The following MEGF9 variants were observed in gnomAD, a reference collection of about 807,000 sequenced individuals.
MEGF9 encodes multiple EGF like domains 9, also known as multiple epidermal growth factor-like domains protein 9.
MEGF9 carries 6 observed loss-of-function variants against 46.8 expected under a neutral mutation model. The observed-to-expected ratio is 0.13, with a 90% CI of 0.07 to 0.25. The LOEUF is 0.25. Among genes scored for constraint, MEGF9 ranks in the 10% least tolerant of loss-of-function variants. MEGF9 has a pLI of 1.00. For missense variants in MEGF9, 683 were observed against 792.4 expected, an observed-to-expected ratio of 0.86 and a Z score of 1.66; for synonymous variants, 302 against 330.7, an observed-to-expected ratio of 0.91 and a Z score of 0.94.
At chr9:120,656,792 A>G (rs546984578) in intron 2 of MEGF9, among the ~76,000 whole-genome samples, 11 of 151,384 alleles carry the variant, frequency 7.3e-5, no homozygotes, top group Admixed American at 1.3e-4. Flanking sequence ...CAAACACTTA[A>G]AAGAATTCAG....
At chr9:120,678,428 T>C (rs573942699) in intron 1 of MEGF9, among the ~76,000 whole-genome samples, 29 of 152,334 alleles carry the variant, frequency 1.9e-4, no homozygotes, top group African/African-American at 7.0e-4. Flanking sequence ...TTTCCCTTTC[T>C]CCACATCCTC....
chr9:120,678,738 TGCTGGGATTACAGGTGTGA>T (rs1453042091), intron 1 of MEGF9, among the ~76,000 whole-genome samples: 4 of 152,226 alleles, frequency 2.6e-5, no homozygotes, highest in Admixed American at 2.0e-4. Context: ...CCTCCCAAAG[TGCTGGGATTACAGGTGTGA>T]GCCACTGCAT....
intron 1 of MEGF9, among the ~76,000 whole-genome samples, chr9:120,701,436 A>G (rs543578088): frequency 1.3e-5 from 2 of 152,264 alleles, no homozygotes; most frequent in African/African-American, 4.8e-5. Context: ...CTTTTTCCCT[A>G]TGACTAGGCA....
chr9:120,690,615 TAC>T (rs59138478), intron 1 of MEGF9, among the ~76,000 whole-genome samples: 1 of 152,264 alleles, frequency 6.6e-6, no homozygotes, highest in East Asian at 1.9e-4. Flanking sequence ...TGAATGGTAG[TAC>T]AGACTCTTCA....
At position 120,659,418 on chromosome 9, in the gene MEGF9, T is replaced by A; in HGVS notation, c.759A>T (p.Pro253=). ...GAGCTCCATGTGGACTACAGTCACA[T>A]GGCTGACAGAGCCCAGAAGTGTAAT... ...YLNYTSGLCQ[P]CDCSPHGALS... The change falls in exon 2 of 6, where the codon CCA becomes CCT. Residue 253 remains proline (P), a synonymous_variant. Transcript: ENST00000373930. The A allele has an allele frequency of 6.2e-7, 1 of 1,613,944 alleles. No homozygotes were observed.
rs1213949419 is a variant in MEGF9, at chr9:120,659,391, G to A, written c.786C>T (p.Leu262=). Residue 262 remains leucine, a synonymous_variant, in exon 2 of 6, where the codon CTC becomes CTT. Coordinates refer to ENST00000373930, the MANE Select transcript of MEGF9 (RefSeq NM_001080497.3). ...TTGCTTACCTGTTGCACGGTATGCT[G>A]AGAGCTCCATGTGGACTACAGTCAC... ...QPCDCSPHGA[L]SIPCNSSGKC... is the part of the protein sequence containing the mutation. 4.3e-6 allele frequency: 7 copies of A among 1,613,734 alleles called. No individual in the cohort carries two copies. The highest frequency in any genetic ancestry group is 1.3e-5 in the African/African-American group (1 of 74,964).
Position 120,669,624 on chromosome 9 carries a change from A to G in MEGF9, c.602-10049T>C, listed in dbSNP as rs189070805. 3.4e-3 allele frequency among the ~76,000 whole-genome samples: 523 copies of G among 152,298 alleles called. 6 individuals carry two copies. Among genetic ancestry groups the G allele is most frequent in the African/African-American group, 0.012 (500 of 41,572 alleles). ...GATAAGAGGTCTGGTCACTACATAA[A>G]AAAATGTACAATTCATTAAAAATAT... On this transcript the variant is annotated intron_variant, in intron 1 of 5. Coordinates refer to ENST00000373930, the MANE Select transcript of MEGF9 (RefSeq NM_001080497.3).
intron 1 of MEGF9, among the ~76,000 whole-genome samples, chr9:120,681,997 G>A (rs149972313): frequency 3.9e-5 from 6 of 152,228 alleles, no homozygotes; most frequent in African/African-American, 1.4e-4. Flanking sequence ...ACCTTACAAG[G>A]ATGTTTTCAG....
At chr9:120,660,501 A>C (rs2043697205) in intron 1 of MEGF9, among the ~76,000 whole-genome samples, 1 of 152,208 alleles carries the variant, frequency 6.6e-6, no homozygotes, top group African/African-American at 2.4e-5. Context: ...GTGCTATCAA[A>C]TACTAGGTCT....
intron 1 of MEGF9, among the ~76,000 whole-genome samples, chr9:120,660,070 G>A (rs1237702848): frequency 6.6e-6 from 1 of 151,498 alleles, no homozygotes; most frequent in Non-Finnish European, 1.5e-5. Flanking sequence ...TTAAAGTAAG[G>A]AAATGATGAA....
intron 2 of MEGF9, among the ~76,000 whole-genome samples, chr9:120,626,458 AT>A (rs1397153118): frequency 6.6e-6 from 1 of 152,222 alleles, no homozygotes; most frequent in Non-Finnish European, 1.5e-5. Flanking sequence ...AGAAAAAAGC[AT>A]TTTTTAAGTG....
In MEGF9 at chr9:120,605,917, T is replaced by C. The variant is rs1344499453; in HGVS notation, c.1358-276A>G. On this transcript the variant is annotated intron_variant, in intron 5 of 5. Coordinates refer to ENST00000373930, the MANE Select transcript of MEGF9 (RefSeq NM_001080497.3). The surrounding 1 kb of genome is among the most constrained non-coding windows in gnomAD (Gnocchi z 4.0). ...GGCCGGGCGTGGTGGCTCACACCTG[T>C]AATCCCAGCACTTTGGGCGGCCGAG... Among the ~76,000 whole-genome samples the C allele has an allele frequency of 6.6e-6, 1 of 152,194 alleles. No individual in the cohort carries two copies. The highest frequency in any genetic ancestry group is 2.4e-5 in the African/African-American group (1 of 41,450).
chr9:120,703,670 G>C (rs77830975), intron 1 of MEGF9, among the ~76,000 whole-genome samples: 6,504 of 152,286 alleles, frequency 0.043, 458 homozygotes, highest in African/African-American at 0.15. Flanking sequence ...AGCAGGTTAA[G>C]ATAATTCCAA....
chr9:120,605,572 G>A lies in MEGF9; in HGVS notation c.1427C>T (p.Pro476Leu). ...AAAAGTACTATTTATAACAGGGGTG[G>A]GCACTGATGTGGTCAAAGAGGCATT... ...VSNASLTTSV[P>L]TPVINSTFTP... The change falls in exon 6 of 6, where the codon CCC (proline) becomes CTC (leucine). Residue 476 changes from proline to leucine, a missense_variant. Physicochemically the swap from Pro to Leu is moderately conservative, Grantham distance 98. Coordinates refer to ENST00000373930, the MANE Select transcript of MEGF9 (RefSeq NM_001080497.3). The surrounding 1 kb of genome is among the most constrained non-coding windows in gnomAD (Gnocchi z 4.0). The A allele has an allele frequency of 6.2e-7, 1 of 1,607,350 alleles. No individual in the cohort carries two copies. Among genetic ancestry groups the A allele is most frequent in the Non-Finnish European group, 8.5e-7 (1 of 1,176,294 alleles).
At chr9:120,696,556 T>G (rs2043877914) in intron 1 of MEGF9, among the ~76,000 whole-genome samples, 1 of 152,018 alleles carries the variant, frequency 6.6e-6, no homozygotes, top group African/African-American at 2.4e-5. Context: ...AAGAGTAACC[T>G]TCACAGATGA....
chr9:120,714,446 G>A lies in MEGF9; in HGVS notation c.-88C>T, dbSNP rs116556866. On this transcript the variant is annotated 5_prime_UTR_variant, in exon 1 of 6. Coordinates refer to ENST00000373930, the MANE Select transcript of MEGF9 (RefSeq NM_001080497.3). ...CGCAACCGCCGCCGCCACCGCCACC[G>A]GGCGCACCATCGCCACCTCCCTCTG... is the stretch of plus-strand genomic sequence containing the variant. 3.7e-3 allele frequency: 4,172 copies of A among 1,126,836 alleles called. 108 individuals are homozygous for A. In the African/African-American group the frequency reaches 0.058, roughly 16 times the overall value. 69.8% of individuals were successfully genotyped at this position (1,126,836 alleles called of 1,614,324 possible).
intron 2 of MEGF9, among the ~76,000 whole-genome samples, chr9:120,624,806 G>C (rs2043516862): frequency 6.6e-6 from 1 of 151,522 alleles, no homozygotes; most frequent in Non-Finnish European, 1.5e-5. Context: ...CCAGAAGACG[G>C]AGGGTGCAGT....
rs1646545652 is a variant in MEGF9 at position 120,605,249 on chromosome 9, C to T, written c.1750G>A (p.Glu584Lys). 1 of 1,613,928 alleles carries T rather than the reference C, an allele frequency of 6.2e-7. No individual in the cohort carries two copies. The highest frequency in any genetic ancestry group is 1.3e-5 in the African/African-American group (1 of 74,940). Residue 584 changes from glutamate (E) to lysine (K), a missense_variant, in exon 6 of 6, where the codon GAA becomes AAA. Physicochemically the swap from Glu to Lys is moderately conservative, Grantham distance 56. Coordinates refer to ENST00000373930, the MANE Select transcript of MEGF9 (RefSeq NM_001080497.3). The surrounding 1 kb of genome is among the most constrained non-coding windows in gnomAD (Gnocchi z 4.0). ...VSGLLEDDGN[E>K]VAPNGQLTLT... ...GTCAGCTGCCCATTGGGAGCCACTT[C>T]ATTGCCATCATCTTCCAACAATCCC...
At chr9:120,687,023 C>T (rs1176309698) in intron 1 of MEGF9, among the ~76,000 whole-genome samples, 3 of 151,904 alleles carry the variant, frequency 2.0e-5, no homozygotes, top group Non-Finnish European at 4.4e-5. Flanking sequence ...AAGCCAACTA[C>T]CCACTGAAGT....
Sources: allele counts gnomAD v4.1 joint callset (sites outside exome capture counted in the v4.1 genomes callset), GRCh38; gene constraint gnomAD v4.1.1; non-coding constraint Gnocchi (gnomAD v3.1); transcripts MANE v1.5; gene names NCBI Gene and HGNC (gene_info 2026-07-23, HGNC 2026-07-21).